The following GFRA1 variants were observed in gnomAD, a reference collection of about 807,000 sequenced individuals.
The protein encoded by GFRA1 is GDNF family receptor alpha 1.
In GFRA1, 16 loss-of-function variants were observed where a neutral mutation model predicts 51.6. The observed-to-expected ratio is 0.31, with a 90% CI of 0.21 to 0.47. GFRA1 has a LOEUF of 0.47. GFRA1 is among the 20% of genes least tolerant of loss of function. GFRA1 has a pLI of 1.00. For synonymous variants in GFRA1, 270 were observed against 241.3 expected (o/e 1.12, Z -1.10); for missense variants, 530 against 594.3 (o/e 0.89, Z 1.13).
Position 116,251,412 on chromosome 10 carries a change from G to T in GFRA1, c.418+18091C>A, listed in dbSNP as rs546908352. Among the ~76,000 whole-genome samples the T allele has an allele frequency of 8.7e-4, 133 of 152,306 alleles. 1 individual carries two copies. The highest frequency in any genetic ancestry group is 3.0e-3 in the African/African-American group (125 of 41,562). ...AAGACAGCACATCTGGCGTAAGAGT[G>T]GGGGTGGATGTATCAGAATATCATA... On this transcript the variant is annotated intron_variant, in intron 4 of 10. Coordinates refer to ENST00000355422, the MANE Select transcript of GFRA1 (RefSeq NM_005264.8).
intron 5 of GFRA1, among the ~76,000 whole-genome samples, chr10:116,178,817 A>G (rs1341291920): frequency 1.3e-5 from 2 of 152,148 alleles, no homozygotes; most frequent in South Asian, 2.1e-4. Context: ...CTTCTCTCTC[A>G]TTCTCTTTAG....
intron 4 of GFRA1, among the ~76,000 whole-genome samples, chr10:116,251,749 G>C (rs1385371090): frequency 6.6e-6 from 1 of 152,046 alleles, no homozygotes. Context: ...AGGTGAAATG[G>C]TGCCAGGCCC....
At chr10:116,273,595 A>G (rs1844106811), upstream of GFRA1, 1 of 152,238 alleles carries the variant, frequency 6.6e-6, no homozygotes, top group South Asian at 2.1e-4. Flanking sequence ...GTACTCGCGC[A>G]CAGGACACGC....
chr10:116,129,629 T>C (rs932344052), intron 5 of GFRA1, among the ~76,000 whole-genome samples: 1 of 152,122 alleles, frequency 6.6e-6, no homozygotes, highest in Non-Finnish European at 1.5e-5. Context: ...TTATAGTCAA[T>C]GTTGTATTGG....
intron 4 of GFRA1, among the ~76,000 whole-genome samples, chr10:116,224,444 T>C (rs1213565055): frequency 2.0e-5 from 3 of 152,214 alleles, no homozygotes; most frequent in Non-Finnish European, 4.4e-5. Flanking sequence ...ATAATACGAA[T>C]GTCCATCAAC....
At chr10:116,089,705 G>A in intron 9 of GFRA1, 36 bp downstream of exon 9, 1 of 1,580,440 alleles carries the variant, frequency 6.3e-7, no homozygotes, top group Non-Finnish European at 8.7e-7. Context: ...CCACCAGGAA[G>A]GGAGCCCCAG....
chr10:116,171,745 T>G (rs1961047743), intron 5 of GFRA1, among the ~76,000 whole-genome samples: 1 of 152,198 alleles, frequency 6.6e-6, no homozygotes, highest in African/African-American at 2.4e-5. Flanking sequence ...TCCTTGAATT[T>G]TCCTTCTGCT....
chr10:116,061,103 T>C lies in GFRA1; in HGVS notation c.*3295A>G, dbSNP rs1005236750. ...ACGGGCGGCAGCTAGAAGCGGCCCATCCTCAGAGTGTATGCAAGACAGGAA... is the reference window on the plus strand; with the variant it reads ...ACGGGCGGCAGCTAGAAGCGGCCCACCCTCAGAGTGTATGCAAGACAGGAA... On this transcript the variant is annotated 3_prime_UTR_variant, in exon 11 of 11. Coordinates refer to ENST00000355422, the MANE Select transcript of GFRA1 (RefSeq NM_005264.8). 1 of 152,114 alleles carries C rather than the reference T, an allele frequency of 6.6e-6. No individual in the cohort carries two copies. Among genetic ancestry groups the C allele is most frequent in the Non-Finnish European group, 1.5e-5 (1 of 68,054 alleles). 9.4% of individuals were successfully genotyped at this position (152,114 alleles called of 1,614,324 possible). A position where few individuals can be genotyped will look rare whatever the true frequency, so the allele number is the denominator to read the frequency against.
intron 5 of GFRA1, among the ~76,000 whole-genome samples, chr10:116,163,650 C>G (rs1190713823): frequency 2.0e-5 from 3 of 152,210 alleles, no homozygotes; most frequent in African/African-American, 7.2e-5. Flanking sequence ...CTGCAGCAGG[C>G]CCACAGACCC....
intron 6 of GFRA1, 26 bp downstream of exon 6, chr10:116,125,195 A>G (rs371167861): frequency 1.3e-6 from 2 of 1,587,436 alleles, no homozygotes; most frequent in Non-Finnish European, 1.7e-6. Context: ...CACCTCATTA[A>G]TCACCAGCTG....
chr10:116,212,338 G>C (rs1033030674), intron 4 of GFRA1, among the ~76,000 whole-genome samples: 10 of 151,866 alleles, frequency 6.6e-5, no homozygotes, highest in African/African-American at 2.4e-4. Flanking sequence ...TGGCTAACAT[G>C]GTGAAACCCC....
chr10:116,165,276 C>G (rs1275998071), intron 5 of GFRA1, among the ~76,000 whole-genome samples: 2 of 152,176 alleles, frequency 1.3e-5, no homozygotes, highest in Non-Finnish European at 1.5e-5. Context: ...CATTTTGTCT[C>G]CATCTCTCAA....
chr10:116,079,496 AG>A (rs10714898), intron 9 of GFRA1, among the ~76,000 whole-genome samples: 17,161 of 151,926 alleles, frequency 0.11, 3,259 homozygotes, highest in African/African-American at 0.39. Flanking sequence ...ATAAAGGAAA[AG>A]GGGGGTCTCT....
intron 4 of GFRA1, among the ~76,000 whole-genome samples, chr10:116,269,174 G>A (rs575234260): frequency 1.6e-4 from 25 of 152,128 alleles, no homozygotes; most frequent in African/African-American, 5.8e-4. Flanking sequence ...AAGAGAATAC[G>A]ATTGCCACCT....
At chr10:116,146,060 A>G (rs892746083) in intron 5 of GFRA1, among the ~76,000 whole-genome samples, 1 of 152,040 alleles carries the variant, frequency 6.6e-6, no homozygotes, top group Non-Finnish European at 1.5e-5. Flanking sequence ...TAGTCACTAT[A>G]TATTTATATA....
intron 4 of GFRA1, among the ~76,000 whole-genome samples, chr10:116,245,310 C>T (rs1967774392): frequency 6.6e-6 from 1 of 152,078 alleles, no homozygotes; most frequent in Non-Finnish European, 1.5e-5. Flanking sequence ...GGCAAATAAG[C>T]ATATGAAAAG....
At chr10:116,109,771 G>A (rs1957136451) in intron 6 of GFRA1, among the ~76,000 whole-genome samples, 1 of 152,186 alleles carries the variant, frequency 6.6e-6, no homozygotes, top group Admixed American at 6.5e-5. Context: ...GACCATCATG[G>A]GGACCTGCCC....
intron 5 of GFRA1, among the ~76,000 whole-genome samples, chr10:116,172,235 CACG>C (rs1404284689): frequency 6.6e-6 from 1 of 152,050 alleles, no homozygotes; most frequent in East Asian, 1.9e-4. Context: ...GCCGTTTGCT[CACG>C]ACAACTGACA....
intron 9 of GFRA1, among the ~76,000 whole-genome samples, chr10:116,076,882 A>G (rs61325392): frequency 0.081 from 12,292 of 152,246 alleles, 1,647 homozygotes; most frequent in African/African-American, 0.27. Flanking sequence ...TATAAATAAC[A>G]TGAACCATAA....
Sources: gnomAD v4.1 joint callset for allele counts (sites outside exome capture counted in the v4.1 genomes callset) on GRCh38, gnomAD v4.1.1 for gene constraint, MANE v1.5 for transcripts, NCBI Gene and HGNC (gene_info 2026-07-23, HGNC 2026-07-21) for gene names.